Variants in ZNF385D observed in about 807,000 individuals in gnomAD.
ZNF385D encodes the protein zinc finger protein 385D, also known as zinc finger protein 659.
Under a neutral mutation model 35.8 loss-of-function variants are expected in ZNF385D, and 15 were observed. That is an observed-to-expected ratio of 0.42 (90% CI 0.28 to 0.64). ZNF385D has a LOEUF of 0.64. Ranked by LOEUF, ZNF385D falls within the 30% of genes least tolerant of loss-of-function variation. The pLI is 0.23. For synonymous variants in ZNF385D, 212 were observed against 186.8 expected, an observed-to-expected ratio of 1.13 and a Z score of -1.10; for missense variants, 474 against 494.6, an observed-to-expected ratio of 0.96 and a Z score of 0.39.
chr3:21,926,454 G>T (rs1035779766), intron 3 of ZNF385D, among the ~76,000 whole-genome samples: 2 of 152,126 alleles, frequency 1.3e-5, no homozygotes, highest in Non-Finnish European at 2.9e-5. Context: ...TCCCTGCAAA[G>T]GACACGAACT....
intron 2 of ZNF385D, among the ~76,000 whole-genome samples, chr3:21,584,616 TTC>T (rs569953974): frequency 1.6e-3 from 240 of 152,324 alleles, no homozygotes; most frequent in Non-Finnish European, 2.3e-3. Context: ...GTACTTAAAA[TTC>T]TGTTTTATTT....
At chr3:21,979,308 C>T (rs1286700426) in intron 3 of ZNF385D, among the ~76,000 whole-genome samples, 2 of 152,140 alleles carry the variant, frequency 1.3e-5, no homozygotes, top group African/African-American at 2.4e-5. Context: ...TTTAACCCCA[C>T]ATGTCACTAT....
intron 3 of ZNF385D, among the ~76,000 whole-genome samples, chr3:22,039,524 G>C (rs1356037817): frequency 6.6e-6 from 1 of 151,962 alleles, no homozygotes; most frequent in Non-Finnish European, 1.5e-5. Flanking sequence ...CTAAATCCTA[G>C]TTGCATCAGA....
intron 6 of ZNF385D, 24 bp downstream of exon 6, chr3:21,425,468 A>C (rs1398021088): frequency 1.3e-6 from 2 of 1,552,904 alleles, no homozygotes; most frequent in African/African-American, 1.4e-5. Flanking sequence ...GTTGGTTTTC[A>C]TTCCTAGAAT....
intron 3 of ZNF385D, among the ~76,000 whole-genome samples, chr3:22,050,320 C>G (rs1699272253): frequency 6.6e-6 from 1 of 151,926 alleles, no homozygotes. Context: ...CATGATTGTG[C>G]CATTGCACTC....
At chr3:21,473,123 A>C (rs1166872219) in intron 4 of ZNF385D, among the ~76,000 whole-genome samples, 2 of 152,004 alleles carry the variant, frequency 1.3e-5, no homozygotes, top group African/African-American at 4.8e-5. Context: ...ACATTTGAAA[A>C]AGCTAACTCC....
At chr3:21,502,788 C>G (rs1042511841) in intron 4 of ZNF385D, among the ~76,000 whole-genome samples, 8 of 152,162 alleles carry the variant, frequency 5.3e-5, no homozygotes, top group Non-Finnish European at 1.2e-4. Flanking sequence ...GAGAAGGGAA[C>G]ACTTGATAAA....
intron 2 of ZNF385D, among the ~76,000 whole-genome samples, chr3:22,289,972 C>G (rs994633558): frequency 6.6e-6 from 1 of 152,132 alleles, no homozygotes; most frequent in Non-Finnish European, 1.5e-5. Context: ...AAAAAACCCT[C>G]TATGGAAAAA....
chr3:21,566,638 A>G (rs1291187726), intron 2 of ZNF385D, among the ~76,000 whole-genome samples: 1 of 151,960 alleles, frequency 6.6e-6, no homozygotes, highest in Non-Finnish European at 1.5e-5. Context: ...AAATTATAGG[A>G]TCACCTCTCT....
intron 3 of ZNF385D, among the ~76,000 whole-genome samples, chr3:21,837,780 G>A (rs1464912476): frequency 6.6e-6 from 1 of 151,256 alleles, no homozygotes; most frequent in Non-Finnish European, 1.5e-5. Context: ...GCTGAGACAA[G>A]AGAATTGCTT....
chr3:22,053,063 C>A (rs1303163253), intron 3 of ZNF385D, among the ~76,000 whole-genome samples: 20 of 77,542 alleles, frequency 2.6e-4, no homozygotes, highest in African/African-American at 9.4e-4. Context: ...TTTACCTAAG[C>A]AAGCCTGGGC....
intron 2 of ZNF385D, among the ~76,000 whole-genome samples, chr3:22,317,686 C>A (rs181923452): frequency 7.2e-5 from 11 of 152,136 alleles, no homozygotes; most frequent in Non-Finnish European, 1.3e-4. Context: ...TGGGTAATAA[C>A]GGTAATTACA....
At chr3:21,991,011 T>G (rs1695118273) in intron 3 of ZNF385D, among the ~76,000 whole-genome samples, 1 of 152,230 alleles carries the variant, frequency 6.6e-6, no homozygotes, top group Non-Finnish European at 1.5e-5. Flanking sequence ...AAGCTTCTAA[T>G]TTGCAGTGGT....
At chr3:21,907,133 T>C (rs147897499) in intron 3 of ZNF385D, among the ~76,000 whole-genome samples, 1 of 152,280 alleles carries the variant, frequency 6.6e-6, no homozygotes, top group Admixed American at 6.5e-5. Context: ...ACCTCTTCAA[T>C]AGGCAGTCGG....
chr3:21,700,238 A>G (rs377111603), intron 1 of ZNF385D, among the ~76,000 whole-genome samples: 108 of 152,242 alleles, frequency 7.1e-4, no homozygotes, highest in African/African-American at 2.4e-3. Flanking sequence ...CTCTCAATTA[A>G]GGTGATACTG....
At chr3:22,016,935 G>GACACACACAC (rs140018760) in intron 3 of ZNF385D, among the ~76,000 whole-genome samples, 1 of 148,874 alleles carries the variant, frequency 6.7e-6, no homozygotes, top group Middle Eastern at 3.4e-3. Flanking sequence ...CCATCCATCG[G>GACACACACAC]ACACACACAC....
chr3:22,259,290 A>G (rs924134404), intron 2 of ZNF385D, among the ~76,000 whole-genome samples: 1 of 151,956 alleles, frequency 6.6e-6, no homozygotes. Context: ...TGTTTACCTC[A>G]TGGTGCCAGA....
chr3:21,721,432 G>C (rs1288850422), intron 1 of ZNF385D, among the ~76,000 whole-genome samples: 3 of 151,736 alleles, frequency 2.0e-5, no homozygotes, highest in Non-Finnish European at 4.4e-5. Flanking sequence ...AGAGAAGAGA[G>C]CATCAACATT....
intron 3 of ZNF385D, among the ~76,000 whole-genome samples, chr3:22,013,461 T>C (rs1033552247): frequency 4.6e-5 from 7 of 152,076 alleles, no homozygotes; most frequent in African/African-American, 1.7e-4. Context: ...TACTGTAAAA[T>C]ATTTATATTT....
Sources: gnomAD v4.1 joint callset for allele counts (sites outside exome capture counted in the v4.1 genomes callset) on GRCh38, gnomAD v4.1.1 for gene constraint, MANE v1.5 for transcripts, NCBI Gene and HGNC (gene_info 2026-07-23, HGNC 2026-07-21) for gene names.